ZDHHC21: variants seen among roughly 807,000 people sequenced by gnomAD.
The protein encoded by ZDHHC21 is palmitoyltransferase ZDHHC21.
A neutral mutation model predicts 34.6 loss-of-function variants in ZDHHC21; 15 were observed. The observed-to-expected ratio is 0.43, with a 90% CI of 0.29 to 0.67. ZDHHC21 has a LOEUF of 0.67. Ranked by LOEUF, ZDHHC21 falls within the 30% of genes least tolerant of loss-of-function variation. The pLI is 0.14. For missense variants in ZDHHC21, 344 were observed against 327.7 expected (o/e 1.05, Z -0.38); for synonymous variants, 142 against 101.8 (o/e 1.40, Z -2.38).
chr9:14,641,433 A>G (rs1188516971), intron 7 of ZDHHC21, among the ~76,000 whole-genome samples: 4 of 152,320 alleles, frequency 2.6e-5, no homozygotes, highest in South Asian at 4.1e-4. Context: ...CTATTTAAAA[A>G]CACAAATTTG....
At chr9:14,648,137 C>G (rs986982272) in intron 7 of ZDHHC21, among the ~76,000 whole-genome samples, 1 of 152,120 alleles carries the variant, frequency 6.6e-6, no homozygotes, top group East Asian at 1.9e-4. Flanking sequence ...GTTTCGCATT[C>G]TATCTCACAG....
chr9:14,663,159 T>C (rs535801520), intron 5 of ZDHHC21, among the ~76,000 whole-genome samples: 103 of 152,302 alleles, frequency 6.8e-4, no homozygotes, highest in African/African-American at 2.4e-3. Flanking sequence ...AAGAGTCATC[T>C]TCCTAGAAAA....
the ZDHHC21 span, among the ~76,000 whole-genome samples, chr9:14,592,521 A>C: frequency 6.6e-6 from 1 of 152,118 alleles, no homozygotes; most frequent in Admixed American, 6.5e-5. Context: ...AAATACATAA[A>C]GCAAAACCTG....
At chr9:14,645,754 T>C (rs1363207726) in intron 7 of ZDHHC21, among the ~76,000 whole-genome samples, 1 of 151,922 alleles carries the variant, frequency 6.6e-6, no homozygotes, top group Non-Finnish European at 1.5e-5. Context: ...ATGGGAAAAA[T>C]ACTTAAATAG....
chr9:14,670,687 C>T (rs2131496706), intron 5 of ZDHHC21, among the ~76,000 whole-genome samples: 1 of 152,108 alleles, frequency 6.6e-6, no homozygotes, highest in East Asian at 1.9e-4. Context: ...GAAGATATTA[C>T]ATAAGTATCT....
rs1473717676 is a variant in ZDHHC21 at position 14,615,484 on chromosome 9, T to G, written c.*3482A>C. ...AAAAGTTAATATGTTAACTACAATT[T>G]AAAACAGCTATTTCTAATGTTAAGC... On this transcript the variant is annotated 3_prime_UTR_variant, in exon 10 of 10. Transcript: ENST00000380916. 1 of 151,796 alleles carries G rather than the reference T, an allele frequency of 6.6e-6. No individual in the cohort carries two copies. The highest frequency in any genetic ancestry group is 1.5e-5 in the Non-Finnish European group (1 of 67,764). The allele number at this position is 151,796 out of a possible 1,614,324, so 9.4% of individuals were successfully genotyped here.
At chr9:14,619,139 T>A (rs769695328) in intron 9 of ZDHHC21, 41 bp from the exon 10 acceptor site, 2 of 1,566,590 alleles carry the variant, frequency 1.3e-6, no homozygotes, top group East Asian at 4.6e-5. Context: ...AGCACTCCCA[T>A]GGTGCACTTC....
At chr9:14,660,248 C>A (rs1238042191) in intron 6 of ZDHHC21, among the ~76,000 whole-genome samples, 1 of 151,780 alleles carries the variant, frequency 6.6e-6, no homozygotes, top group Non-Finnish European at 1.5e-5. Context: ...CACTTGTAAT[C>A]CCAGCTACTC....
Position 14,674,302 on chromosome 9 carries a change from A to G in ZDHHC21, c.39T>C (p.Gly13=), listed in dbSNP as rs771773039. The change falls in exon 4 of 10, where the codon GGT becomes GGC. Residue 13 remains glycine (G), a synonymous_variant. Transcript: ENST00000380916. Reference sequence around the variant, plus strand: ...AGACAATCAAACCCATGCAGCACCAACCATGTGGGTCAACAACAAAGTGAA... The same window carrying G: ...AGACAATCAAACCCATGCAGCACCAGCCATGTGGGTCAACAACAAAGTGAA... ...LRIHFVVDPH[G]WCCMGLIVFV... 7 of 1,596,530 alleles carry G rather than the reference A, an allele frequency of 4.4e-6. No individual in the cohort carries two copies. The highest frequency in any genetic ancestry group is 6.0e-6 in the Non-Finnish European group (7 of 1,173,728).
chr9:14,657,620 T>C (rs1474632018), intron 7 of ZDHHC21, among the ~76,000 whole-genome samples: 1 of 152,064 alleles, frequency 6.6e-6, no homozygotes, highest in African/African-American at 2.4e-5. Context: ...AGACAATATA[T>C]AAACAAAAGA....
intron 8 of ZDHHC21, among the ~76,000 whole-genome samples, chr9:14,638,786 G>A (rs1490364709): frequency 6.6e-6 from 1 of 151,836 alleles, no homozygotes; most frequent in Non-Finnish European, 1.5e-5. Context: ...TAATCAACAG[G>A]GAAATGCAAG....
the ZDHHC21 span, among the ~76,000 whole-genome samples, chr9:14,599,080 C>T: frequency 7.6e-4 from 115 of 152,208 alleles, no homozygotes; most frequent in Non-Finnish European, 1.4e-3. Context: ...TGAAATTTAA[C>T]GAAGAGATAA....
Position 14,611,907 on chromosome 9 carries a change from T to C in ZDHHC21, c.*7059A>G, listed in dbSNP as rs1426310754. 1 of 152,064 alleles carries C rather than the reference T, an allele frequency of 6.6e-6. No individual in the cohort carries two copies. Among genetic ancestry groups the C allele is most frequent in the Admixed American group, 6.6e-5 (1 of 15,232 alleles). The allele number at this position is 152,064 out of a possible 1,614,324, so 9.4% of individuals were successfully genotyped here. A position where few individuals can be genotyped will look rare whatever the true frequency, so the allele number is the denominator to read the frequency against. ...TTACATATATGAAGTAGAATTTTTT[T>C]TCTTTTATATGTTCATCTCTGGGAG... On this transcript the variant is annotated 3_prime_UTR_variant, in exon 10 of 10. Transcript: ENST00000380916.
At chr9:14,659,069 T>C (rs1375139059) in intron 6 of ZDHHC21, among the ~76,000 whole-genome samples, 182 bp from the exon 7 acceptor site, 1 of 152,206 alleles carries the variant, frequency 6.6e-6, no homozygotes, top group Non-Finnish European at 1.5e-5. Flanking sequence ...CATCTTATAT[T>C]TGTAAAGCAC....
At chr9:14,646,561 T>C (rs1830308496) in intron 7 of ZDHHC21, among the ~76,000 whole-genome samples, 1 of 152,040 alleles carries the variant, frequency 6.6e-6, no homozygotes, top group African/African-American at 2.4e-5. Context: ...CTCTCTGATC[T>C]CATCTACCAC....
At chr9:14,638,254 C>G (rs1297743833) in intron 8 of ZDHHC21, among the ~76,000 whole-genome samples, 1 of 151,936 alleles carries the variant, frequency 6.6e-6, no homozygotes, top group Non-Finnish European at 1.5e-5. Flanking sequence ...TGATTTTTGA[C>G]AAAGGCATCA....
At chr9:14,630,406 T>A (rs1304533946) in intron 8 of ZDHHC21, among the ~76,000 whole-genome samples, 1 of 152,226 alleles carries the variant, frequency 6.6e-6, no homozygotes, top group African/African-American at 2.4e-5. Context: ...TTATTTCTCT[T>A]GTTATTTCTA....
At chr9:14,610,822 C>G (rs1823196764), downstream of ZDHHC21, among the ~76,000 whole-genome samples, 1 of 152,038 alleles carries the variant, frequency 6.6e-6, no homozygotes, top group Admixed American at 6.6e-5. Flanking sequence ...TGCGTCATCT[C>G]TAAGATAAAC....
At chr9:14,668,643 C>T (rs1022646307) in intron 5 of ZDHHC21, among the ~76,000 whole-genome samples, 10 of 151,214 alleles carry the variant, frequency 6.6e-5, no homozygotes, top group Admixed American at 5.9e-4. Context: ...GGTACTGGTA[C>T]CAAAACAGAG....
Sources: gnomAD v4.1 joint callset for allele counts (sites outside exome capture counted in the v4.1 genomes callset) on GRCh38, gnomAD v4.1.1 for gene constraint, MANE v1.5 for transcripts, NCBI Gene and HGNC (gene_info 2026-07-23, HGNC 2026-07-21) for gene names.